IGFL4: variants seen among roughly 807,000 people sequenced by gnomAD.
The protein encoded by IGFL4 is IGF like family member 4.
In IGFL4, 12 loss-of-function variants were observed where a neutral mutation model predicts 15.4. The observed-to-expected ratio is 0.78, with a 90% CI of 0.50 to 1.26. IGFL4 has a LOEUF of 1.26. Among genes scored for constraint, IGFL4 ranks in the 50% most tolerant of loss-of-function variants. IGFL4 has a pLI of 0.00. For missense variants in IGFL4, 126 were observed against 147.8 expected (o/e 0.85, Z 0.76); for synonymous variants, 54 against 55.9 (o/e 0.97, Z 0.16).
intron 2 of IGFL4, chr19:46,058,412 TTCAC>T (rs1381979670): frequency 5.9e-5 from 9 of 152,350 alleles, no homozygotes; most frequent in Admixed American, 4.6e-4. Flanking sequence ...TGTGGCTGCT[TTCAC>T]TCCTGGTGTT....
At chr19:46,075,638 T>C (rs546412851) in intron 1 of IGFL4, among the ~76,000 whole-genome samples, 5 of 152,334 alleles carry the variant, frequency 3.3e-5, no homozygotes, top group African/African-American at 1.2e-4. Flanking sequence ...TGATTTATCA[T>C]TGATGATTAT....
chr19:46,050,934 C>A (rs1121725), intron 2 of IGFL4, among the ~76,000 whole-genome samples: 107,702 of 152,002 alleles, frequency 0.71, 38,869 homozygotes, highest in Middle Eastern at 0.75. Context: ...CATCAGGTAA[C>A]CTATAAAGGA....
rs576267671 is a variant in IGFL4 at position 46,065,754 on chromosome 19, C to T, written c.-431-5461G>A. Reference sequence around the variant, plus strand: ...ACAGAAATGTGGAGCACAATGATTACGCCTCTTTCTCACTTAGGGGATTTT... The same window carrying T: ...ACAGAAATGTGGAGCACAATGATTATGCCTCTTTCTCACTTAGGGGATTTT... On this transcript the variant is annotated intron_variant, in intron 1 of 5. Transcript: ENST00000601672. Among the ~76,000 whole-genome samples the T allele has an allele frequency of 2.4e-4, 37 of 152,334 alleles. No homozygotes were observed. The South Asian group carries it at 2.5e-3, about 10-fold the overall frequency.
At chr19:46,076,919 C>T (rs1432682923) in intron 1 of IGFL4, 2 of 152,156 alleles carry the variant, frequency 1.3e-5, no homozygotes, top group South Asian at 2.1e-4. Flanking sequence ...AGATTCCTAA[C>T]GTTATTGTGA....
At chr19:46,047,339 G>A (rs2146513302) in intron 2 of IGFL4, among the ~76,000 whole-genome samples, 1 of 152,112 alleles carries the variant, frequency 6.6e-6, no homozygotes, top group South Asian at 2.1e-4. Context: ...TCAACTAAAA[G>A]AACTAGAGAA....
upstream of IGFL4, chr19:46,077,113 T>G (rs943623250): frequency 6.6e-6 from 1 of 152,278 alleles, no homozygotes; most frequent in Non-Finnish European, 1.5e-5. This position sits in a 1 kb window ranked among gnomAD's most constrained non-coding sequence, Gnocchi z 5.4. Flanking sequence ...AGAGTCAGGA[T>G]GCAGCTGAGC....
chr19:46,046,171 A>T (rs1600670069), intron 2 of IGFL4, among the ~76,000 whole-genome samples: 1 of 152,156 alleles, frequency 6.6e-6, no homozygotes, highest in Admixed American at 6.5e-5. Context: ...AAGCTTCATA[A>T]GTGGAGAAAT....
Position 46,040,516 on chromosome 19 carries a change from A to C in IGFL4, c.70+2T>G, listed in dbSNP as rs777382918. ...CTCCTCCCTCACTGCATCTGTTCTC[A>C]CCTGTGACTCCTTCTGAGTTTGAAC... is the stretch of plus-strand genomic sequence containing the variant. On this transcript the variant is annotated splice_donor_variant, in intron 2 of 3. Coordinates refer to ENST00000377697, the MANE Select transcript of IGFL4 (RefSeq NM_001002923.3). LOFTEE classifies it high-confidence loss of function. The surrounding 1 kb of genome is among the most constrained non-coding windows in gnomAD (Gnocchi z 4.1). The C allele has an allele frequency of 1.2e-5, 19 of 1,613,236 alleles. 1 individual carries two copies. In the Middle Eastern group the frequency reaches 1.2e-3, roughly 98 times the overall value.
At chr19:46,074,582 T>C (rs1273827544) in intron 1 of IGFL4, among the ~76,000 whole-genome samples, 1 of 151,996 alleles carries the variant, frequency 6.6e-6, no homozygotes, top group East Asian at 1.9e-4. Context: ...ATTTGAGAAC[T>C]TGGAGTCCGA....
upstream of IGFL4, among the ~76,000 whole-genome samples, chr19:46,045,529 T>C (rs1969290662): frequency 1.3e-5 from 2 of 149,316 alleles, no homozygotes; most frequent in African/African-American, 4.9e-5. Context: ...AAGCTAAGAA[T>C]CATGATAAAT....
intron 1 of IGFL4, among the ~76,000 whole-genome samples, chr19:46,068,431 C>T (rs533209811): frequency 2.0e-5 from 3 of 152,232 alleles, no homozygotes; most frequent in South Asian, 2.1e-4. Context: ...TAATTGTGTG[C>T]GGAATTGAAA....
At chr19:46,046,460 T>A (rs1969298320) in intron 2 of IGFL4, among the ~76,000 whole-genome samples, 1 of 152,142 alleles carries the variant, frequency 6.6e-6, no homozygotes, top group Admixed American at 6.6e-5. Flanking sequence ...AGACACAGAA[T>A]GGCAAGTTGG....
At chr19:46,042,744 A>G (rs1207841102), upstream of IGFL4, among the ~76,000 whole-genome samples, 1 of 152,216 alleles carries the variant, frequency 6.6e-6, no homozygotes, top group Non-Finnish European at 1.5e-5. Context: ...CAAGAATAAT[A>G]GGATGCCTGT....
chr19:46,074,201 A>C (rs1261883713), intron 1 of IGFL4, among the ~76,000 whole-genome samples: 1 of 151,880 alleles, frequency 6.6e-6, no homozygotes, highest in Non-Finnish European at 1.5e-5. Flanking sequence ...TAGTGCCTCC[A>C]CAGGGCTACT....
intron 2 of IGFL4, among the ~76,000 whole-genome samples, chr19:46,047,597 C>T (rs1159080825): frequency 6.6e-6 from 1 of 152,162 alleles, no homozygotes; most frequent in Admixed American, 6.5e-5. Flanking sequence ...GATATTACCA[C>T]TGACCCCACG....
intron 2 of IGFL4, among the ~76,000 whole-genome samples, chr19:46,053,623 G>A (rs1010997768): frequency 6.6e-6 from 1 of 152,060 alleles, no homozygotes; most frequent in Non-Finnish European, 1.5e-5. Flanking sequence ...TTCCTTTTTT[G>A]TGTGTGATAA....
At chr19:46,067,071 T>A (rs1231129024) in intron 1 of IGFL4, among the ~76,000 whole-genome samples, 1 of 152,118 alleles carries the variant, frequency 6.6e-6, no homozygotes, top group East Asian at 1.9e-4. Context: ...TCCCAGAGGC[T>A]CACAGGGGCT....
chr19:46,043,032 G>A (rs1431010200), upstream of IGFL4, among the ~76,000 whole-genome samples: 1 of 151,572 alleles, frequency 6.6e-6, no homozygotes, highest in East Asian at 2.0e-4. Flanking sequence ...GGGGCAGTAG[G>A]GCAGAGCCAT....
chr19:46,040,337 G>A lies in IGFL4; in HGVS notation c.150C>T (p.Asp50=), dbSNP rs759223109. The part of the protein sequence containing the change: ...TYNPLEQCCD[D]GVILDLNQTR... ...TCTGGTTCAAGTCTAGGATGACACC[G>A]TCATCACAGCACTGCTCCAAGGGGT... Residue 50 remains aspartate (D), a synonymous_variant, in exon 3 of 4, where the codon GAC becomes GAT. Transcript: ENST00000377697. The surrounding 1 kb of genome is among the most constrained non-coding windows in gnomAD (Gnocchi z 4.1). 80 of 1,614,050 alleles carry A rather than the reference G, an allele frequency of 5.0e-5. No homozygotes were observed. Among genetic ancestry groups the A allele is most frequent in the Admixed American group, 1.3e-4 (8 of 60,010 alleles).
Sources: allele counts gnomAD v4.1 joint callset (sites outside exome capture counted in the v4.1 genomes callset), GRCh38; gene constraint gnomAD v4.1.1; non-coding constraint Gnocchi (gnomAD v3.1); transcripts MANE v1.5; gene names NCBI Gene and HGNC (gene_info 2026-07-23, HGNC 2026-07-21).